The following AIDA variants were observed in gnomAD, a reference collection of about 807,000 sequenced individuals.
AIDA encodes axin interactor, dorsalization-associated protein.
Under a neutral mutation model 42.7 loss-of-function variants are expected in AIDA, and 18 were observed. The ratio of observed to expected loss-of-function variants is 0.42; its 90% CI spans 0.29 to 0.63. The LOEUF (loss-of-function observed/expected upper bound fraction) is 0.63, where lower values mean the gene tolerates loss of function less well. Among genes scored for constraint, AIDA ranks in the 20% least tolerant of loss-of-function variants. The pLI is 0.19. For missense variants in AIDA, 250 were observed against 354.1 expected (o/e 0.71, Z 2.36); for synonymous variants, 104 against 122.9 (o/e 0.85, Z 1.02).
At chr1:222,706,530 T>C (rs1350982907) in intron 1 of AIDA, among the ~76,000 whole-genome samples, 1 of 150,346 alleles carries the variant, frequency 6.7e-6, no homozygotes, top group Non-Finnish European at 1.5e-5. Flanking sequence ...ACAACATAGA[T>C]GAAACTTAAA....
chr1:222,707,918 T>C (rs1655887050), intron 1 of AIDA, among the ~76,000 whole-genome samples: 1 of 152,232 alleles, frequency 6.6e-6, no homozygotes, highest in Admixed American at 6.5e-5. Flanking sequence ...ATGCTCTCAA[T>C]TTCTTTCCTT....
intron 3 of AIDA, 39 bp from the exon 4 acceptor site, chr1:222,693,882 AG>A: frequency 6.8e-7 from 1 of 1,478,396 alleles, no homozygotes; most frequent in Non-Finnish European, 9.4e-7. Flanking sequence ...TTTCACTACA[AG>A]GATTTCACTG....
intron 4 of AIDA, among the ~76,000 whole-genome samples, chr1:222,691,302 G>T (rs1655360713): frequency 6.6e-6 from 1 of 151,916 alleles, no homozygotes; most frequent in Non-Finnish European, 1.5e-5. Context: ...TGATAAGCAA[G>T]GCAGAAGTGG....
intron 6 of AIDA, among the ~76,000 whole-genome samples, chr1:222,683,172 T>C (rs900611488): frequency 6.6e-6 from 1 of 152,188 alleles, no homozygotes; most frequent in African/African-American, 2.4e-5. Flanking sequence ...TGTAGGTCTG[T>C]TGAATTAAAA....
At chr1:222,672,081 T>C (rs1442629995) in intron 8 of AIDA, among the ~76,000 whole-genome samples, 3 of 152,166 alleles carry the variant, frequency 2.0e-5, no homozygotes, top group African/African-American at 7.2e-5. Context: ...AGTTAAAATG[T>C]TTGTAAACAT....
At chr1:222,700,355 G>C (rs1655655572) in intron 2 of AIDA, among the ~76,000 whole-genome samples, 1 of 152,182 alleles carries the variant, frequency 6.6e-6, no homozygotes, top group African/African-American at 2.4e-5. Context: ...TCATACATAA[G>C]AAAATTAAGG....
chr1:222,670,114 C>G lies in AIDA; in HGVS notation c.824+19G>C. The G allele has an allele frequency of 6.2e-7, 1 of 1,611,076 alleles. No individual in the cohort carries two copies. The highest frequency in any genetic ancestry group is 8.5e-7 in the Non-Finnish European group (1 of 1,177,310). On this transcript the variant is annotated intron_variant, in intron 9 of 9. Transcript: ENST00000340020. ...AGTCACCATCAAATTAGTACTAATT[C>G]TATATGCACATCACTTACAGTTCTA...
In AIDA at chr1:222,668,296, C is replaced by T. The variant is rs1157336431; in HGVS notation, c.*1597G>A. Reference sequence around the variant, plus strand: ...AGCACCTTAGAAAAATTACATGACACGGAGAAAATGCGCCTCTTGCTCCTT... The same window carrying T: ...AGCACCTTAGAAAAATTACATGACATGGAGAAAATGCGCCTCTTGCTCCTT... On this transcript the variant is annotated 3_prime_UTR_variant, in exon 10 of 10. Transcript: ENST00000340020. The T allele has an allele frequency of 3.8e-5, 5 of 132,730 alleles. No homozygotes were observed. The highest frequency in any genetic ancestry group is 2.2e-4 in the East Asian group (1 of 4,610). The allele number at this position is 132,730 out of a possible 1,614,324, so 8.2% of individuals were successfully genotyped here.
intron 1 of AIDA, among the ~76,000 whole-genome samples, chr1:222,709,037 C>T (rs1319379095): frequency 6.6e-6 from 1 of 152,164 alleles, no homozygotes; most frequent in African/African-American, 2.4e-5. Context: ...AAAACAGACA[C>T]CGCCCCAACA....
intron 2 of AIDA, among the ~76,000 whole-genome samples, chr1:222,702,679 CTT>C (rs1486273155): frequency 7.9e-5 from 12 of 152,144 alleles, no homozygotes; most frequent in African/African-American, 2.4e-5. Context: ...TTGTCTTGGT[CTT>C]TTGTTTTTTG....
At chr1:222,703,546 T>A (rs768341891) in intron 1 of AIDA, among the ~76,000 whole-genome samples, 5 of 152,140 alleles carry the variant, frequency 3.3e-5, no homozygotes, top group Non-Finnish European at 7.4e-5. Context: ...CAATAAGTAG[T>A]TGTCCAGATT....
intron 6 of AIDA, among the ~76,000 whole-genome samples, chr1:222,684,990 A>T (rs779948734): frequency 6.6e-6 from 1 of 152,362 alleles, no homozygotes; most frequent in East Asian, 1.9e-4. Flanking sequence ...TCAGTGAAAC[A>T]GCAAAATATC....
chr1:222,693,061 G>A (rs941219473), intron 4 of AIDA, among the ~76,000 whole-genome samples: 1 of 152,106 alleles, frequency 6.6e-6, no homozygotes, highest in Admixed American at 6.6e-5. Context: ...TATAAAGTGA[G>A]AGAACTCAAC....
chr1:222,700,485 C>T (rs573904670), intron 2 of AIDA, among the ~76,000 whole-genome samples: 84 of 152,194 alleles, frequency 5.5e-4, no homozygotes, highest in Non-Finnish European at 9.7e-4. Context: ...GGGCCGGGCG[C>T]GGTGGCTCAC....
intron 2 of AIDA, among the ~76,000 whole-genome samples, chr1:222,695,831 T>C (rs1655503664): frequency 6.6e-6 from 1 of 152,232 alleles, no homozygotes. Context: ...CATGTTTTTC[T>C]AAATGTATTG....
At chr1:222,698,893 TTGGTTCAC>T (rs1655599161) in intron 2 of AIDA, among the ~76,000 whole-genome samples, 1 of 152,130 alleles carries the variant, frequency 6.6e-6, no homozygotes, top group Admixed American at 6.6e-5. Context: ...TGGCAGGATC[TTGGTTCAC>T]TGCAAGCTCC....
chr1:222,680,789 T>G (rs1471232580), intron 6 of AIDA, among the ~76,000 whole-genome samples: 1 of 151,690 alleles, frequency 6.6e-6, no homozygotes, highest in Non-Finnish European at 1.5e-5. Context: ...TCTAAAGTAA[T>G]GTTCACTTAA....
In AIDA at chr1:222,670,967, C is replaced by T. The variant is rs574217814; in HGVS notation, c.707-717G>A. Among the ~76,000 whole-genome samples the T allele has an allele frequency of 3.3e-5, 5 of 152,172 alleles. No homozygotes were observed. In the South Asian group the frequency reaches 1.0e-3, roughly 32 times the overall value. The stretch of plus-strand genomic sequence containing the variant: ...GGTGCGGTGGCTCATGCCTGTAATC[C>T]CAGCACTTTGGGAGGCAGAGATGGG... On this transcript the variant is annotated intron_variant, in intron 8 of 9. Coordinates refer to ENST00000340020, the MANE Select transcript of AIDA (RefSeq NM_022831.4).
rs1252548799 is a variant in AIDA at position 222,676,099 on chromosome 1, T to C, written c.580A>G (p.Lys194Glu). Residue 194 changes from lysine to glutamate, a missense_variant, in exon 7 of 10, where the codon AAG (lysine) becomes GAG (glutamate). Lys to Glu is a moderately conservative substitution (Grantham distance 56). This residue lies in a region of AIDA where 199 missense variants were observed against 232.6 expected (regional missense o/e 0.86). Coordinates refer to ENST00000340020, the MANE Select transcript of AIDA (RefSeq NM_022831.4). ...AAAAGTAAACAGAGTCACTTACCCT[T>C]TACACTAACTGTAATATAGGGATCG... ...CIDPYITVSVKDLNGIDLTPV... is the reference protein window; with the variant it reads ...CIDPYITVSVEDLNGIDLTPV... The C allele has an allele frequency of 1.9e-6, 3 of 1,584,142 alleles. No individual in the cohort carries two copies. The highest frequency in any genetic ancestry group is 2.6e-6 in the Non-Finnish European group (3 of 1,168,304).
Sources: gnomAD v4.1 joint callset for allele counts (sites outside exome capture counted in the v4.1 genomes callset) on GRCh38, gnomAD v4.1.1 for gene constraint, gnomAD v4.1.1 regional missense constraint, MANE v1.5 for transcripts, NCBI Gene and HGNC (gene_info 2026-07-23, HGNC 2026-07-21) for gene names.